DMD: variants seen among roughly 807,000 people sequenced by gnomAD.
DMD encodes mutant dystrophin.
DMD carries 63 observed loss-of-function variants against 330.1 expected under a neutral mutation model. The ratio of observed to expected loss-of-function variants is 0.19; its 90% CI spans 0.16 to 0.24. DMD has a LOEUF of 0.24. DMD is among the 10% of genes least tolerant of loss of function. The pLI is 1.00. For synonymous variants in DMD, 1,223 were observed against 959.8 expected, an observed-to-expected ratio of 1.27 and a Z score of -5.07; for missense variants, 3,344 against 2,684.1, an observed-to-expected ratio of 1.25 and a Z score of -5.43.
chrX:31,931,678 T>C (rs917992985), intron 46 of DMD, among the ~76,000 whole-genome samples: 5 of 111,690 alleles, frequency 4.5e-5, no homozygotes, highest in African/African-American at 1.6e-4. Flanking sequence ...GATTCCCATT[T>C]AGATTTAGAT....
chrX:32,736,714 A>G (rs1437385823), intron 7 of DMD, among the ~76,000 whole-genome samples: 1 of 99,453 alleles, frequency 1.0e-5, no homozygotes, highest in East Asian at 3.5e-4. Context: ...GGAATTGAAC[A>G]ATGAGAACAC....
chrX:32,563,405 C>CTACA, intron 16 of DMD, among the ~76,000 whole-genome samples: 1 of 104,604 alleles, frequency 9.6e-6, no homozygotes, highest in African/African-American at 3.5e-5. Flanking sequence ...ACACACTGAA[C>CTACA]TACATGACTT....
At chrX:33,058,583 A>T (rs2094546159) in intron 1 of DMD, among the ~76,000 whole-genome samples, 1 of 110,680 alleles carries the variant, frequency 9.0e-6, no homozygotes, top group Non-Finnish European at 1.9e-5. Flanking sequence ...GATTACAGGC[A>T]TGATCCACTA....
chrX:33,003,648 T>A (rs1488527465), intron 2 of DMD, among the ~76,000 whole-genome samples: 1 of 111,652 alleles, frequency 9.0e-6, no homozygotes, highest in Admixed American at 9.7e-5. Context: ...GTTTACTGAC[T>A]TAGATGATAG....
Position 32,043,059 on chromosome X carries a change from C to T in DMD, c.6439-74545G>A, listed in dbSNP as rs182565665. On this transcript the variant is annotated intron_variant, in intron 44 of 78. Coordinates refer to ENST00000357033, the MANE Select transcript of DMD (RefSeq NM_004006.3). ...CACAAATGCTTGAAGGGATAGATAA[C>T]CCATTCTCCATGATGTGACTATTTC... 1.4e-3 allele frequency among the ~76,000 whole-genome samples: 154 copies of T among 111,353 alleles called. 1 individual carries two copies. The highest frequency in any genetic ancestry group is 4.7e-3 in the African/African-American group (144 of 30,668).
At chrX:32,401,136 G>T (rs191626465) in intron 30 of DMD, among the ~76,000 whole-genome samples, 2 of 95,763 alleles carry the variant, frequency 2.1e-5, no homozygotes, top group Admixed American at 1.2e-4. Flanking sequence ...AACAATGAGA[G>T]CACATGGACA....
chrX:31,177,780 G>GAAA, intron 71 of DMD, 152 bp downstream of exon 71: 2 of 447,315 alleles, frequency 4.5e-6, no homozygotes, highest in Non-Finnish European at 7.3e-6. Flanking sequence ...ATCAAGAAAA[G>GAAA]AAAAAAAAAA....
At chrX:33,232,224 T>C (rs1226328071) in intron 1 of DMD, among the ~76,000 whole-genome samples, 2 of 111,341 alleles carry the variant, frequency 1.8e-5, no homozygotes, top group Non-Finnish European at 3.8e-5. Context: ...AAGAAAATGA[T>C]GTAAGTCAGA....
At chrX:32,076,673 C>T (rs1011450220) in intron 44 of DMD, among the ~76,000 whole-genome samples, 2 of 111,634 alleles carry the variant, frequency 1.8e-5, no homozygotes, top group Admixed American at 1.9e-4. Context: ...GCCACCCTGC[C>T]CGGCCCATAA....
At chrX:33,323,422 G>A (rs990159654) in intron 1 of DMD, among the ~76,000 whole-genome samples, 3 of 111,511 alleles carry the variant, frequency 2.7e-5, no homozygotes, top group Admixed American at 1.9e-4. Flanking sequence ...GGAAGTAGTC[G>A]TAGATATTAT....
chrX:32,054,084 TGTGTGA>T (rs1231235338), intron 44 of DMD, among the ~76,000 whole-genome samples: 29 of 75,751 alleles, frequency 3.8e-4, no homozygotes, highest in East Asian at 1.9e-3. Flanking sequence ...TGTGTGTGTG[TGTGTGA>T]GAGAGAGAGA....
intron 2 of DMD, among the ~76,000 whole-genome samples, chrX:32,939,482 C>T (rs763511378): frequency 6.3e-5 from 7 of 110,872 alleles, no homozygotes; most frequent in South Asian, 3.7e-4. Flanking sequence ...CCTCCTTACA[C>T]GTCAGTAAGC....
At chrX:31,129,119 A>C (rs2034140705) in intron 77 of DMD, among the ~76,000 whole-genome samples, 1 of 111,417 alleles carries the variant, frequency 9.0e-6, no homozygotes, top group African/African-American at 3.3e-5. Context: ...GGGCTTGGTC[A>C]GGTCCCGAGA....
intron 9 of DMD, among the ~76,000 whole-genome samples, chrX:32,683,887 AATGACTT>A (rs761522524): frequency 1.8e-5 from 2 of 110,199 alleles, no homozygotes; most frequent in African/African-American, 6.6e-5. Flanking sequence ...ACTGAGTAAT[AATGACTT>A]ATTTGTTTAA....
intron 44 of DMD, among the ~76,000 whole-genome samples, chrX:32,014,866 A>G (rs887668889): frequency 5.3e-5 from 6 of 112,297 alleles, no homozygotes; most frequent in African/African-American, 1.9e-4. Context: ...AATAAGCCTC[A>G]TATTAGTACT....
intron 7 of DMD, among the ~76,000 whole-genome samples, chrX:32,729,053 G>C (rs760956857): frequency 1.8e-5 from 2 of 112,132 alleles, no homozygotes; most frequent in South Asian, 7.3e-4. Context: ...CAGCAAACGG[G>C]CAACACGTGT....
At chrX:32,529,905 T>C (rs1183605522) in intron 17 of DMD, among the ~76,000 whole-genome samples, 1 of 111,784 alleles carries the variant, frequency 8.9e-6, no homozygotes, top group African/African-American at 3.3e-5. Context: ...AATCTATTTT[T>C]CCTTATATTT....
At chrX:32,448,683 A>C in intron 26 of DMD, 45 bp from the exon 27 acceptor site, 1 of 1,083,198 alleles carries the variant, frequency 9.2e-7, no homozygotes, top group Non-Finnish European at 1.2e-6. Context: ...AAATAACTTT[A>C]CATCCAAAAT....
At chrX:32,817,336 T>C (rs1338314346) in intron 5 of DMD, among the ~76,000 whole-genome samples, 1 of 111,827 alleles carries the variant, frequency 8.9e-6, no homozygotes, top group Non-Finnish European at 1.9e-5. Flanking sequence ...GTAGCCTTGG[T>C]TCTATTTTCA....
Sources: allele counts gnomAD v4.1 joint callset (sites outside exome capture counted in the v4.1 genomes callset), GRCh38; gene constraint gnomAD v4.1.1; transcripts MANE v1.5; gene names NCBI Gene and HGNC (gene_info 2026-07-23, HGNC 2026-07-21).